The following ERBB4 variants were observed in gnomAD, a reference collection of about 807,000 sequenced individuals.
ERBB4 encodes the protein erb-b2 receptor tyrosine kinase 4.
Under a neutral mutation model 158.0 loss-of-function variants are expected in ERBB4, and 42 were observed. The observed-to-expected ratio is 0.27, with a 90% CI of 0.21 to 0.34. The LOEUF is 0.34. ERBB4 is among the 10% of genes least tolerant of loss of function. ERBB4 has a pLI of 1.00. For missense variants in ERBB4, 1,333 were observed against 1,624.1 expected (o/e 0.82, Z 3.08); for synonymous variants, 583 against 558.7 (o/e 1.04, Z -0.61).
rs566232844 is a variant in ERBB4 at position 211,440,838 on chromosome 2, G to A, written c.2488-9738C>T. Among the ~76,000 whole-genome samples the A allele has an allele frequency of 8.5e-5, 13 of 152,256 alleles. 1 individual carries two copies. The South Asian group carries it at 2.7e-3, about 32-fold the overall frequency. ...ATGTGAAACTCCTAGAGCACTAAAG[G>A]CTCTTATGCAACTTGAGTATCCACA... is the stretch of plus-strand genomic sequence containing the variant. On this transcript the variant is annotated intron_variant, in intron 20 of 27. Transcript: ENST00000342788.
chr2:211,881,488 G>A (rs183545742), intron 3 of ERBB4, among the ~76,000 whole-genome samples: 30 of 151,546 alleles, frequency 2.0e-4, no homozygotes, highest in African/African-American at 6.1e-4. Flanking sequence ...TGTCTGCCAT[G>A]GAAGCTCCAT....
At chr2:212,314,560 T>A (rs72947351) in intron 1 of ERBB4, among the ~76,000 whole-genome samples, 5,654 of 151,062 alleles carry the variant, frequency 0.037, 147 homozygotes, top group South Asian at 0.083. Context: ...TATAGAATTT[T>A]AAAAAAAATC....
At chr2:211,863,355 T>C (rs1303808908) in intron 3 of ERBB4, among the ~76,000 whole-genome samples, 1 of 152,204 alleles carries the variant, frequency 6.6e-6, no homozygotes. Flanking sequence ...GAATAAAAGC[T>C]GGCCACCCCA....
chr2:212,488,226 C>G (rs1487023893), intron 1 of ERBB4, among the ~76,000 whole-genome samples: 1 of 152,032 alleles, frequency 6.6e-6, no homozygotes, highest in Non-Finnish European at 1.5e-5. Context: ...CCCTTGGAAT[C>G]ACCATTTGCA....
At chr2:211,676,482 G>A (rs1180145420) in intron 13 of ERBB4, among the ~76,000 whole-genome samples, 1 of 151,964 alleles carries the variant, frequency 6.6e-6, no homozygotes, top group Non-Finnish European at 1.5e-5. Flanking sequence ...AGAAACTGGT[G>A]TATACATACA....
intron 1 of ERBB4, among the ~76,000 whole-genome samples, chr2:212,147,472 C>T (rs1342888705): frequency 1.3e-5 from 2 of 151,954 alleles, no homozygotes; most frequent in Non-Finnish European, 2.9e-5. Flanking sequence ...GACTAGATTG[C>T]CTCTAAGTAG....
chr2:212,293,849 AAAAAAAAAAC>A (rs1240928990), intron 1 of ERBB4, among the ~76,000 whole-genome samples: 2 of 109,362 alleles, frequency 1.8e-5, no homozygotes, highest in Non-Finnish European at 3.9e-5. Context: ...CTCTGTCTCA[AAAAAAAAAAC>A]AAAAAAAAAA....
chr2:211,506,798 A>C (rs780639580), intron 20 of ERBB4, among the ~76,000 whole-genome samples: 1 of 152,074 alleles, frequency 6.6e-6, no homozygotes, highest in Non-Finnish European at 1.5e-5. Context: ...CTCCATCTAA[A>C]AGACAGAAAA....
chr2:212,129,539 C>T (rs193059521), intron 1 of ERBB4, among the ~76,000 whole-genome samples: 1 of 151,600 alleles, frequency 6.6e-6, no homozygotes, highest in African/African-American at 2.4e-5. Flanking sequence ...TTTGTTTAAA[C>T]TTCTTATAAT....
intron 1 of ERBB4, among the ~76,000 whole-genome samples, chr2:212,158,271 T>C (rs1035582106): frequency 1.3e-5 from 2 of 152,010 alleles, no homozygotes; most frequent in Non-Finnish European, 2.9e-5. Context: ...CTTTTTACTA[T>C]ATAAATCATG....
rs535657687 is a variant in ERBB4, at chr2:212,466,208, C to A, written c.82+72241G>T. Among the ~76,000 whole-genome samples the A allele has an allele frequency of 2.0e-5, 3 of 152,284 alleles. No individual in the cohort carries two copies. In the East Asian group the frequency reaches 5.8e-4, roughly 29 times the overall value. On this transcript the variant is annotated intron_variant, in intron 1 of 27. Transcript: ENST00000342788. ...TCCATCTTCATTAAACATAAAATTA[C>A]TGTTGACCCTTGAACAACACAGGTT...
intron 1 of ERBB4, among the ~76,000 whole-genome samples, chr2:212,373,930 C>CATATATATCCATATATATATCAT (rs1560146736): frequency 1.6e-5 from 1 of 63,420 alleles, no homozygotes; most frequent in Non-Finnish European, 2.9e-5. Context: ...TATATATATC[C>CATATATATCCATATATATATCAT]ATATATATCC....
chr2:211,739,604 C>T (rs1430898794), intron 5 of ERBB4, among the ~76,000 whole-genome samples: 1 of 152,124 alleles, frequency 6.6e-6, no homozygotes, highest in Admixed American at 6.5e-5. Context: ...GCTGGGACTA[C>T]AGGCACATGC....
chr2:212,301,818 T>C (rs958432866), intron 1 of ERBB4, among the ~76,000 whole-genome samples: 37 of 151,378 alleles, frequency 2.4e-4, no homozygotes, highest in Non-Finnish European at 4.3e-4. Context: ...ATGTAACTTA[T>C]AGGGTAAACA....
intron 1 of ERBB4, among the ~76,000 whole-genome samples, chr2:212,170,041 G>T (rs2125669533): frequency 6.6e-6 from 1 of 152,288 alleles, no homozygotes; most frequent in Admixed American, 6.5e-5. Context: ...AAAAAATGTG[G>T]AAGTGACTTT....
chr2:211,977,015 T>C (rs1180717639), intron 2 of ERBB4, among the ~76,000 whole-genome samples: 1 of 152,122 alleles, frequency 6.6e-6, no homozygotes, highest in Non-Finnish European at 1.5e-5. Flanking sequence ...GTAAATATGA[T>C]TTAAGATGGT....
At chr2:212,306,202 CTA>C (rs371524342) in intron 1 of ERBB4, among the ~76,000 whole-genome samples, 1 of 151,386 alleles carries the variant, frequency 6.6e-6, no homozygotes. Flanking sequence ...AGTAAAAACT[CTA>C]TGTCTGACCA....
intron 3 of ERBB4, among the ~76,000 whole-genome samples, chr2:211,837,367 C>T (rs1355837540): frequency 6.6e-6 from 1 of 152,016 alleles, no homozygotes; most frequent in African/African-American, 2.4e-5. Context: ...TGAAAAACTC[C>T]TCTCAAGTAC....
intron 20 of ERBB4, among the ~76,000 whole-genome samples, chr2:211,448,351 C>A (rs2064162354): frequency 6.6e-6 from 1 of 151,998 alleles, no homozygotes; most frequent in South Asian, 2.1e-4. Context: ...GAAGGTGAAT[C>A]TAAATCCAAA....
Sources: gnomAD v4.1 joint callset for allele counts (sites outside exome capture counted in the v4.1 genomes callset) on GRCh38, gnomAD v4.1.1 for gene constraint, MANE v1.5 for transcripts, NCBI Gene and HGNC (gene_info 2026-07-23, HGNC 2026-07-21) for gene names.